RBFOX1: variants seen among roughly 807,000 people sequenced by gnomAD.
The protein encoded by RBFOX1 is RNA binding fox-1 homolog 1.
RBFOX1 carries 8 observed loss-of-function variants against 57.7 expected under a neutral mutation model. The observed-to-expected ratio is 0.14, with a 90% CI of 0.08 to 0.25. The LOEUF is 0.25. Among genes scored for constraint, RBFOX1 ranks in the 10% least tolerant of loss-of-function variants. RBFOX1 has a pLI of 1.00. For synonymous variants in RBFOX1, 326 were observed against 222.4 expected (o/e 1.47, Z -4.15); for missense variants, 611 against 548.5 (o/e 1.11, Z -1.14).
chr16:6,407,309 A>G (rs2093316695), intron 2 of RBFOX1, among the ~76,000 whole-genome samples: 1 of 152,120 alleles, frequency 6.6e-6, no homozygotes, highest in African/African-American at 2.4e-5. Flanking sequence ...ATGTACATAT[A>G]CATTTTCTAT....
At chr16:6,702,981 C>T (rs181366473) in intron 3 of RBFOX1, among the ~76,000 whole-genome samples, 7 of 152,242 alleles carry the variant, frequency 4.6e-5, no homozygotes, top group Non-Finnish European at 8.8e-5. Context: ...CCTATGGATT[C>T]GATGTTCTAG....
At chr16:6,105,648 A>G (rs1005831116) in intron 1 of RBFOX1, among the ~76,000 whole-genome samples, 4 of 151,454 alleles carry the variant, frequency 2.6e-5, no homozygotes, top group African/African-American at 9.7e-5. Context: ...ATAAAATACT[A>G]TGTACTAATT....
rs1028334719 is a variant in RBFOX1, at chr16:5,378,432, C to A, written c.220-88784C>A. Among the ~76,000 whole-genome samples, 8 of 151,556 alleles carry A rather than the reference C, an allele frequency of 5.3e-5. 1 individual carries two copies. Among genetic ancestry groups the A allele is most frequent in the African/African-American group, 2.0e-4 (8 of 40,832 alleles). On this transcript the variant is annotated intron_variant, in intron 1 of 2. Transcript: ENST00000585867. ...CGGGGAGTTAGCCTCCCTTCGAACACTCCAGGAAGAGTCCTGGCTAACCAT... is the reference window on the plus strand; with the variant it reads ...CGGGGAGTTAGCCTCCCTTCGAACAATCCAGGAAGAGTCCTGGCTAACCAT...
At chr16:5,544,338 A>G (rs2045095416) in intron 2 of RBFOX1, among the ~76,000 whole-genome samples, 3 of 152,194 alleles carry the variant, frequency 2.0e-5, no homozygotes, top group African/African-American at 7.2e-5. Context: ...GCATGGAGAA[A>G]GGGGTTAAAG....
At position 7,320,374 on chromosome 16, in the gene RBFOX1, C is replaced by T. The variant is rs566890711; in HGVS notation, c.28-197773C>T. Among the ~76,000 whole-genome samples the T allele has an allele frequency of 3.3e-4, 51 of 152,240 alleles. 1 individual carries two copies. Among genetic ancestry groups the T allele is most frequent in the African/African-American group, 1.2e-3 (50 of 41,532 alleles). ...TTAGTTTACTCAGGTTAATGGCTTC[C>T]AGCTCCATCCATGTCCCTGCAAAAG... On this transcript the variant is annotated intron_variant, in intron 4 of 15. Transcript: ENST00000550418.
chr16:5,705,608 C>T (rs1232286546), intron 3 of RBFOX1, among the ~76,000 whole-genome samples: 1 of 152,134 alleles, frequency 6.6e-6, no homozygotes, highest in African/African-American at 2.4e-5. Flanking sequence ...CATTCAAAGA[C>T]AGAGAGGAGG....
intron 3 of RBFOX1, chr16:5,610,628 G>A (rs1177106751): frequency 2.0e-5 from 3 of 152,152 alleles, no homozygotes; most frequent in Non-Finnish European, 4.4e-5. Flanking sequence ...GGTCAGTTCA[G>A]GCCAGGAGTT....
At chr16:7,450,610 G>T (rs1299767543) in intron 4 of RBFOX1, among the ~76,000 whole-genome samples, 1 of 152,102 alleles carries the variant, frequency 6.6e-6, no homozygotes, top group Non-Finnish European at 1.5e-5. Flanking sequence ...TGACATCTGG[G>T]ATTCCAGGCT....
intron 3 of RBFOX1, among the ~76,000 whole-genome samples, chr16:6,665,438 A>T (rs1013862020): frequency 5.9e-5 from 9 of 152,000 alleles, no homozygotes; most frequent in Non-Finnish European, 1.3e-4. Context: ...ACATGGTGAA[A>T]CCCCATCGCT....
intron 3 of RBFOX1, among the ~76,000 whole-genome samples, chr16:5,831,552 C>T (rs1741437007): frequency 6.6e-6 from 1 of 150,906 alleles, no homozygotes; most frequent in African/African-American, 2.4e-5. Flanking sequence ...TGCAGTGGCA[C>T]AATCTCAGCT....
At chr16:6,878,014 T>C (rs1229252919) in intron 3 of RBFOX1, among the ~76,000 whole-genome samples, 2 of 152,000 alleles carry the variant, frequency 1.3e-5, no homozygotes, top group South Asian at 4.1e-4. Flanking sequence ...AGGAGGAATT[T>C]AAGGATGTTG....
At chr16:6,798,828 C>G (rs1196777898) in intron 3 of RBFOX1, among the ~76,000 whole-genome samples, 1 of 152,034 alleles carries the variant, frequency 6.6e-6, no homozygotes, top group Non-Finnish European at 1.5e-5. Context: ...ATTGTGTTCC[C>G]TAGGATGCTT....
At chr16:5,398,021 G>A (rs563750180) in intron 1 of RBFOX1, among the ~76,000 whole-genome samples, 1 of 152,232 alleles carries the variant, frequency 6.6e-6, no homozygotes, top group East Asian at 1.9e-4. Flanking sequence ...GCCCAGGGAA[G>A]CATTTAATTG....
At chr16:7,414,495 G>T (rs8044465) in intron 4 of RBFOX1, among the ~76,000 whole-genome samples, 32,028 of 152,168 alleles carry the variant, frequency 0.21, 3,486 homozygotes, top group East Asian at 0.31. Flanking sequence ...ATCTGTAGTA[G>T]TCATCTTGAG....
chr16:6,682,946 A>T (rs2058885791), intron 3 of RBFOX1, among the ~76,000 whole-genome samples: 1 of 151,868 alleles, frequency 6.6e-6, no homozygotes, highest in Non-Finnish European at 1.5e-5. Flanking sequence ...CAGGCAAGTC[A>T]CATCAGGCCT....
rs202150743 is a variant in RBFOX1, at chr16:7,144,411, T to TTTCTTC, written c.27+92316_27+92321dup. Among the ~76,000 whole-genome samples the TTTCTTC allele has an allele frequency of 1.6e-3, 176 of 112,666 alleles. 16 individuals are homozygous for TTTCTTC. The highest frequency in any genetic ancestry group is 5.4e-3 in the African/African-American group (152 of 28,372). The allele number at this position is 112,666 out of a possible 152,430, so 73.9% of individuals were successfully genotyped here. The stretch of plus-strand genomic sequence containing the variant: ...ACTTCTTCTTTTCTCTTTCTTTTTC[T>TTTCTTC]TTCTTCTTTTTTTTTTTTTTTTTTT... On this transcript the variant is annotated intron_variant, in intron 4 of 15. Coordinates refer to ENST00000550418, the MANE Select transcript of RBFOX1 (RefSeq NM_018723.4).
intron 2 of RBFOX1, among the ~76,000 whole-genome samples, chr16:6,378,435 G>T (rs1285862536): frequency 6.6e-6 from 1 of 152,224 alleles, no homozygotes; most frequent in Non-Finnish European, 1.5e-5. Flanking sequence ...CACCGATGGA[G>T]GTTGTTGAGC....
intron 3 of RBFOX1, among the ~76,000 whole-genome samples, chr16:6,899,606 G>A (rs985985622): frequency 6.6e-6 from 1 of 152,170 alleles, no homozygotes; most frequent in African/African-American, 2.4e-5. Flanking sequence ...CCAGAATGCT[G>A]TCAGCCTTAG....
intron 2 of RBFOX1, among the ~76,000 whole-genome samples, chr16:6,607,621 T>C (rs925187823): frequency 1.3e-5 from 2 of 151,710 alleles, no homozygotes; most frequent in African/African-American, 2.4e-5. Context: ...TTCTCTCTCT[T>C]CTTCCTCCTC....
Sources: allele counts gnomAD v4.1 joint callset (sites outside exome capture counted in the v4.1 genomes callset), GRCh38; gene constraint gnomAD v4.1.1; transcripts MANE v1.5; gene names NCBI Gene and HGNC (gene_info 2026-07-23, HGNC 2026-07-21).